DPY19L3: variants seen among roughly 807,000 people sequenced by gnomAD.
DPY19L3 encodes dpy-19 like C-mannosyltransferase 3, also known as protein C-mannosyl-transferase DPY19L3.
In DPY19L3, 51 loss-of-function variants were observed where a neutral mutation model predicts 92.3. That is an observed-to-expected ratio of 0.55 (90% CI 0.44 to 0.70). The LOEUF is 0.70. Ranked by LOEUF, DPY19L3 falls within the 30% of genes least tolerant of loss-of-function variation. The probability of loss-of-function intolerance (pLI) is 0.00; values close to 1 mark genes in which losing one functional copy is unlikely to be tolerated. For synonymous variants in DPY19L3, 309 were observed against 315.2 expected (o/e 0.98, Z 0.21); for missense variants, 706 against 855.9 (o/e 0.82, Z 2.18).
intron 8 of DPY19L3, among the ~76,000 whole-genome samples, chr19:32,445,740 C>G (rs1040303571): frequency 6.6e-6 from 1 of 152,130 alleles, no homozygotes; most frequent in African/African-American, 2.4e-5. Flanking sequence ...GTGGCTCACA[C>G]CTGTAATCCC....
chr19:32,480,463 C>T lies in DPY19L3; in HGVS notation c.1895C>T (p.Thr632Ile), dbSNP rs1418345628. The part of the protein sequence containing the change: ...EVHALLRSFG[T>I]DYVILEDSIC... The stretch of plus-strand genomic sequence containing the variant: ...CATGCCCTCCTAAGGTCCTTCGGCA[C>T]TGACTACGTAATCCTGGAAGACAGC... The change falls in exon 18 of 19, where the codon ACT becomes ATT. Residue 632 changes from threonine (T) to isoleucine (I), a missense_variant. Thr to Ile is a moderately conservative substitution (Grantham distance 89). Coordinates refer to ENST00000392250, the MANE Select transcript of DPY19L3 (RefSeq NM_001172774.2). 1.9e-6 allele frequency: 3 copies of T among 1,614,206 alleles called. No homozygotes were observed. Among genetic ancestry groups the T allele is most frequent in the Non-Finnish European group, 2.5e-6 (3 of 1,180,018 alleles).
intron 8 of DPY19L3, among the ~76,000 whole-genome samples, chr19:32,444,365 C>T (rs763133106): frequency 2.0e-5 from 3 of 152,032 alleles, no homozygotes; most frequent in South Asian, 2.1e-4. Flanking sequence ...AGGAAAGAAT[C>T]AGTGAACTTG....
chr19:32,460,844 C>CTTGTTTTGTTTTGTT (rs59020860), intron 12 of DPY19L3, among the ~76,000 whole-genome samples: 6,260 of 148,218 alleles, frequency 0.042, 161 homozygotes, highest in South Asian at 0.084. Flanking sequence ...GATACTATGA[C>CTTGTTTTGTTTTGTT]TTGTTTTGTT....
intron 9 of DPY19L3, 73 bp from the exon 10 acceptor site, chr19:32,454,866 G>T: frequency 1.0e-6 from 1 of 987,470 alleles, no homozygotes; most frequent in East Asian, 2.6e-5. Flanking sequence ...AAATCCTTAA[G>T]TAAGCTCATC....
At chr19:32,426,778 T>A (rs1783736470) in intron 3 of DPY19L3, among the ~76,000 whole-genome samples, 1 of 152,122 alleles carries the variant, frequency 6.6e-6, no homozygotes, top group Non-Finnish European at 1.5e-5. Flanking sequence ...AAATGTGAAA[T>A]ATTGGAAGAA....
At chr19:32,462,329 A>G (rs557524035) in intron 12 of DPY19L3, among the ~76,000 whole-genome samples, 1 of 152,346 alleles carries the variant, frequency 6.6e-6, no homozygotes, top group African/African-American at 2.4e-5. Context: ...TGGGACAGAC[A>G]GGGATGGAGA....
At chr19:32,410,945 A>T (rs1968157158) in intron 2 of DPY19L3, among the ~76,000 whole-genome samples, 1 of 152,250 alleles carries the variant, frequency 6.6e-6, no homozygotes, top group Non-Finnish European at 1.5e-5. Context: ...ACGGTTGTTA[A>T]ACTGTGCCGG....
At position 32,408,338 on chromosome 19, in the gene DPY19L3, G is replaced by A; in HGVS notation, c.85G>A (p.Glu29Lys). The A allele has an allele frequency of 6.2e-7, 1 of 1,613,558 alleles. No homozygotes were observed. Among genetic ancestry groups the A allele is most frequent in the Non-Finnish European group, 8.5e-7 (1 of 1,179,824 alleles). The change falls in exon 2 of 19, where the codon GAA (glutamate) becomes AAA (lysine). Residue 29 changes from glutamate (E) to lysine (K), a missense_variant. Coordinates refer to ENST00000392250, the MANE Select transcript of DPY19L3 (RefSeq NM_001172774.2). ...FPAQEENVKL[E>K]NKLPSGCTSR... ...AGCCCAAGAAGAAAATGTGAAGTTGGAAAATAAATTGCCATCTGGTAGGTG... is the reference window on the plus strand; with the variant it reads ...AGCCCAAGAAGAAAATGTGAAGTTGAAAAATAAATTGCCATCTGGTAGGTG...
chr19:32,415,478 T>C (rs1968348216), intron 3 of DPY19L3, among the ~76,000 whole-genome samples: 1 of 152,152 alleles, frequency 6.6e-6, no homozygotes, highest in Non-Finnish European at 1.5e-5. Flanking sequence ...GTACTGGGAA[T>C]GGTAAACAGA....
chr19:32,415,695 A>G (rs1344915363), intron 3 of DPY19L3, among the ~76,000 whole-genome samples: 1 of 152,206 alleles, frequency 6.6e-6, no homozygotes, highest in African/African-American at 2.4e-5. Flanking sequence ...AATTCAGTGG[A>G]TTCAGTAATA....
intron 8 of DPY19L3, among the ~76,000 whole-genome samples, chr19:32,447,816 T>TAGATTAGA (rs1555721982): frequency 0.21 from 18,475 of 89,502 alleles, 1,209 homozygotes; most frequent in East Asian, 0.23. Flanking sequence ...GATAGATAGA[T>TAGATTAGA]TAGATAGATA....
chr19:32,439,075 A>G (rs758941966), intron 6 of DPY19L3, 37 bp from the exon 7 acceptor site: 1 of 1,575,972 alleles, frequency 6.3e-7, no homozygotes, highest in Non-Finnish European at 8.6e-7. Flanking sequence ...TATTGTAAAA[A>G]CTATCACTTT....
intron 17 of DPY19L3, among the ~76,000 whole-genome samples, chr19:32,478,635 T>G (rs187061599): frequency 1.3e-4 from 20 of 152,286 alleles, no homozygotes; most frequent in African/African-American, 4.8e-4. Context: ...TGGTGCCCCT[T>G]TCTCCATTTT....
chr19:32,472,628 A>G (rs1229818624), intron 16 of DPY19L3, among the ~76,000 whole-genome samples: 1 of 151,884 alleles, frequency 6.6e-6, no homozygotes, highest in African/African-American at 2.4e-5. Flanking sequence ...CGTTTACCTC[A>G]GCAAGGCTGA....
intron 2 of DPY19L3, among the ~76,000 whole-genome samples, chr19:32,410,210 T>C (rs775239527): frequency 6.6e-6 from 1 of 152,230 alleles, no homozygotes; most frequent in Non-Finnish European, 1.5e-5. Context: ...GTTATTATTA[T>C]TGGCCACTTT....
intron 16 of DPY19L3, among the ~76,000 whole-genome samples, chr19:32,469,801 T>G (rs1378828009): frequency 2.0e-5 from 3 of 152,206 alleles, no homozygotes; most frequent in Non-Finnish European, 4.4e-5. Context: ...AAAACCTGCC[T>G]CCCACCAGCA....
intron 15 of DPY19L3, 37 bp from the exon 16 acceptor site, chr19:32,468,694 G>A (rs774534626): frequency 6.2e-7 from 1 of 1,610,180 alleles, no homozygotes; most frequent in East Asian, 2.2e-5. Flanking sequence ...GTGTAGGGGT[G>A]GATTTTGTTT....
intron 1 of DPY19L3, among the ~76,000 whole-genome samples, chr19:32,407,868 A>G (rs1377664077): frequency 1.3e-5 from 2 of 152,064 alleles, no homozygotes; most frequent in African/African-American, 4.8e-5. Context: ...CAAGGCGGGG[A>G]GGATCGCATG....
At chr19:32,464,534 T>C (rs1364916910) in intron 14 of DPY19L3, among the ~76,000 whole-genome samples, 194 bp from the exon 15 acceptor site, 9 of 152,136 alleles carry the variant, frequency 5.9e-5, no homozygotes, top group Non-Finnish European at 1.3e-4. Flanking sequence ...AGCAAAACTG[T>C]AAGGCAGAAG....
Sources: allele counts gnomAD v4.1 joint callset (sites outside exome capture counted in the v4.1 genomes callset), GRCh38; gene constraint gnomAD v4.1.1; transcripts MANE v1.5; gene names NCBI Gene and HGNC (gene_info 2026-07-23, HGNC 2026-07-21).